ERC1: variants seen among roughly 807,000 people sequenced by gnomAD.
ERC1 encodes RAB6 interacting protein 2.
In ERC1, 56 loss-of-function variants were observed where a neutral mutation model predicts 132.0. That is an observed-to-expected ratio of 0.42 (90% CI 0.34 to 0.53). The LOEUF (loss-of-function observed/expected upper bound fraction) is 0.53. Among genes scored for constraint, ERC1 ranks in the 20% least tolerant of loss-of-function variants. The pLI is 0.03. For missense variants in ERC1, 1,202 were observed against 1,349.9 expected (o/e 0.89, Z 1.72); for synonymous variants, 478 against 476.1 (o/e 1.00, Z -0.05).
At chr12:1,033,905 C>T (rs1968566785) in intron 2 of ERC1, among the ~76,000 whole-genome samples, 1 of 152,232 alleles carries the variant, frequency 6.6e-6, no homozygotes, top group African/African-American at 2.4e-5. Flanking sequence ...GTTGGGATTA[C>T]AGGCATGAGT....
intron 18 of ERC1, among the ~76,000 whole-genome samples, chr12:1,478,559 C>T (rs1052079745): frequency 2.0e-5 from 3 of 151,880 alleles, no homozygotes; most frequent in African/African-American, 4.8e-5. Flanking sequence ...TTTGGGAGGC[C>T]GAGGCGGGTG....
intron 1 of ERC1, among the ~76,000 whole-genome samples, chr12:1,017,745 C>T (rs780483078): frequency 1.1e-4 from 16 of 151,866 alleles, no homozygotes; most frequent in Non-Finnish European, 1.8e-4. Flanking sequence ...GTGATCTGCC[C>T]GCCTCAGCCT....
chr12:1,130,134 A>C (rs559597672), intron 7 of ERC1, among the ~76,000 whole-genome samples: 4 of 152,258 alleles, frequency 2.6e-5, no homozygotes, highest in Non-Finnish European at 5.9e-5. Context: ...AATGGAATAT[A>C]TATTTCTACA....
chr12:1,147,060 T>G (rs1950446922), intron 8 of ERC1, among the ~76,000 whole-genome samples: 3 of 152,202 alleles, frequency 2.0e-5, no homozygotes, highest in Admixed American at 2.0e-4. Context: ...TCTTTGCTAT[T>G]GTGAATAGTG....
At chr12:1,387,978 T>C (rs1199184094) in intron 16 of ERC1, among the ~76,000 whole-genome samples, 2 of 152,188 alleles carry the variant, frequency 1.3e-5, no homozygotes, top group Non-Finnish European at 2.9e-5. Context: ...CATTTGTTGA[T>C]ATATGCAAAG....
intron 1 of ERC1, among the ~76,000 whole-genome samples, chr12:1,001,455 G>A (rs1043606222): frequency 1.3e-5 from 2 of 152,216 alleles, no homozygotes; most frequent in African/African-American, 4.8e-5. Context: ...TAACCATGAT[G>A]TAGGTCAAGC....
chr12:1,168,836 G>A (rs563507913), intron 8 of ERC1, among the ~76,000 whole-genome samples: 36 of 151,868 alleles, frequency 2.4e-4, no homozygotes, highest in African/African-American at 8.2e-4. Flanking sequence ...GAATGCCACC[G>A]ATTAATAATT....
At chr12:1,261,573 C>T (rs984470689) in intron 13 of ERC1, among the ~76,000 whole-genome samples, 2 of 152,154 alleles carry the variant, frequency 1.3e-5, no homozygotes, top group Admixed American at 6.5e-5. Flanking sequence ...CTTGTCTCTG[C>T]GCGCGGCGTC....
intron 3 of ERC1, among the ~76,000 whole-genome samples, chr12:1,103,567 A>G (rs1047885313): frequency 6.6e-6 from 1 of 152,156 alleles, no homozygotes; most frequent in Non-Finnish European, 1.5e-5. Flanking sequence ...GGAGATGGCA[A>G]GAAGTGCTTG....
chr12:1,013,688 TC>T (rs2154140524), intron 1 of ERC1, among the ~76,000 whole-genome samples: 1 of 152,278 alleles, frequency 6.6e-6, no homozygotes, highest in South Asian at 2.1e-4. Flanking sequence ...GGCAGAGAAA[TC>T]TGTGCCTTCA....
chr12:992,165 T>G (rs1392596658), intron 1 of ERC1, among the ~76,000 whole-genome samples: 1 of 152,102 alleles, frequency 6.6e-6, no homozygotes, highest in Non-Finnish European at 1.5e-5. Flanking sequence ...TCTTCCAGTT[T>G]TTTTTCCCCC....
At chr12:1,282,455 A>G (rs1376260503) in intron 14 of ERC1, among the ~76,000 whole-genome samples, 1 of 152,228 alleles carries the variant, frequency 6.6e-6, no homozygotes, top group Non-Finnish European at 1.5e-5. Context: ...TTATTGCAAT[A>G]ACTATAGTTA....
intron 17 of ERC1, among the ~76,000 whole-genome samples, chr12:1,432,731 C>A (rs1248671254): frequency 2.0e-5 from 3 of 152,234 alleles, no homozygotes; most frequent in African/African-American, 7.2e-5. Context: ...TGGAATCAAG[C>A]CGTACAGTGT....
At chr12:1,288,846 G>A (rs2079213156) in intron 14 of ERC1, among the ~76,000 whole-genome samples, 1 of 152,052 alleles carries the variant, frequency 6.6e-6, no homozygotes, top group African/African-American at 2.4e-5. Context: ...ATTTGCTTCT[G>A]AATTAAAATG....
chr12:1,177,923 A>G (rs1403833511), intron 8 of ERC1, among the ~76,000 whole-genome samples: 1 of 152,186 alleles, frequency 6.6e-6, no homozygotes, highest in African/African-American at 2.4e-5. Flanking sequence ...ACTGGTTATG[A>G]GTTGACCTAA....
chr12:991,855 AGAT>A (rs1451873199), intron 1 of ERC1: 2 of 152,170 alleles, frequency 1.3e-5, no homozygotes, highest in African/African-American at 4.8e-5. Flanking sequence ...GTGAGATAAA[AGAT>A]GAAGTGTATT....
At chr12:1,483,667 G>GTTTTTTTTTTTTT (rs1257983853) in intron 18 of ERC1, among the ~76,000 whole-genome samples, 1 of 75,142 alleles carries the variant, frequency 1.3e-5, no homozygotes, top group African/African-American at 4.0e-5. Context: ...GCCACTGAGA[G>GTTTTTTTTTTTTT]CTTTTTTTTT....
chr12:1,029,744 CTTTT>C (rs747890124), intron 2 of ERC1, among the ~76,000 whole-genome samples: 2 of 114,234 alleles, frequency 1.8e-5, no homozygotes, highest in African/African-American at 3.2e-5. Context: ...GTTAAACATA[CTTTT>C]TTTTTTTTTT....
intron 17 of ERC1, among the ~76,000 whole-genome samples, chr12:1,441,939 T>C (rs1223939131): frequency 6.6e-6 from 1 of 152,210 alleles, no homozygotes; most frequent in Non-Finnish European, 1.5e-5. Context: ...GTTGTTGTTG[T>C]TGTTTTGAGA....
Sources: gnomAD v4.1 joint callset for allele counts (sites outside exome capture counted in the v4.1 genomes callset) on GRCh38, gnomAD v4.1.1 for gene constraint, MANE v1.5 for transcripts, NCBI Gene and HGNC (gene_info 2026-07-23, HGNC 2026-07-21) for gene names.